The following NR2C1 variants were observed in gnomAD, a reference collection of about 807,000 sequenced individuals.
NR2C1 encodes the protein nuclear receptor subfamily 2 group C member 1, also known as TR2 nuclear hormone receptor.
A neutral mutation model predicts 74.8 loss-of-function variants in NR2C1; 33 were observed. The observed-to-expected ratio is 0.44, with a 90% CI of 0.33 to 0.59. The LOEUF (loss-of-function observed/expected upper bound fraction) is 0.59. Among genes scored for constraint, NR2C1 ranks in the 20% least tolerant of loss-of-function variants. The pLI is 0.02. For synonymous variants in NR2C1, 225 were observed against 240.6 expected (o/e 0.94, Z 0.60); for missense variants, 568 against 715.6 (o/e 0.79, Z 2.35).
In NR2C1 at chr12:95,064,553, T is replaced by C. The variant is rs188808578; in HGVS notation, c.55-1815A>G. ...GAGAGAAGTAACAAAATAATGCTGA[T>C]AGACTGAAGGGGAATATGAAGAAAG... On this transcript the variant is annotated intron_variant, in intron 2 of 13. Coordinates refer to ENST00000333003, the MANE Select transcript of NR2C1 (RefSeq NM_003297.4). 3.3e-5 allele frequency among the ~76,000 whole-genome samples: 5 copies of C among 152,164 alleles called. No individual in the cohort carries two copies. The East Asian group carries it at 9.6e-4, about 29-fold the overall frequency.
At chr12:95,057,906 C>G (rs200883621) in intron 5 of NR2C1, 28 bp from the exon 6 acceptor site, 2 of 1,585,374 alleles carry the variant, frequency 1.3e-6, no homozygotes, top group Non-Finnish European at 1.7e-6. Flanking sequence ...ACTATTATAT[C>G]ACAATATAGG....
chr12:95,046,223 A>G (rs1045571989), intron 9 of NR2C1, among the ~76,000 whole-genome samples: 5 of 152,114 alleles, frequency 3.3e-5, no homozygotes, highest in Admixed American at 2.6e-4. Context: ...TCTCCCTACT[A>G]CCAAGATTGC....
At chr12:95,033,047 A>G (rs1029026783) in intron 10 of NR2C1, among the ~76,000 whole-genome samples, 2 of 151,790 alleles carry the variant, frequency 1.3e-5, no homozygotes, top group Non-Finnish European at 2.9e-5. Flanking sequence ...AGGTGGGAGG[A>G]CTGCTTGAGG....
intron 10 of NR2C1, among the ~76,000 whole-genome samples, chr12:95,032,556 C>T (rs1431973330): frequency 1.3e-5 from 2 of 151,946 alleles, no homozygotes; most frequent in African/African-American, 4.8e-5. Flanking sequence ...GCTACTTAAA[C>T]CTATTTATCC....
intron 12 of NR2C1, 81 bp downstream of exon 12, chr12:95,028,304 TCC>T: frequency 8.8e-7 from 1 of 1,141,654 alleles, no homozygotes; most frequent in Admixed American, 2.4e-5. Flanking sequence ...CCATTTTACA[TCC>T]CCACTTGCAA....
At chr12:95,073,082 T>C (rs913742429) in intron 1 of NR2C1, 1 of 152,236 alleles carries the variant, frequency 6.6e-6, no homozygotes, top group Non-Finnish European at 1.5e-5. Context: ...GGCGCTGCGG[T>C]AAGCGCAGCT....
In NR2C1 at chr12:95,062,583, G is replaced by A; in HGVS notation, c.210C>T (p.Phe70=). Reference sequence around the variant, plus strand: ...CACCTGCTGCATCTGGAGTTGTAAGGAAAACTTTTCCCGGAGTGGAATCTT... The same window carrying A: ...CACCTGCTGCATCTGGAGTTGTAAGAAAAACTTTTCCCGGAGTGGAATCTT... ...ARQDSTPGKV[F]LTTPDAAGVN... is the part of the protein sequence containing the mutation. Residue 70 remains phenylalanine (F), a synonymous_variant, in exon 3 of 14, where the codon TTC becomes TTT. Coordinates refer to ENST00000333003, the MANE Select transcript of NR2C1 (RefSeq NM_003297.4). 1 of 1,614,022 alleles carries A rather than the reference G, an allele frequency of 6.2e-7. No individual in the cohort carries two copies. The highest frequency in any genetic ancestry group is 8.5e-7 in the Non-Finnish European group (1 of 1,179,988).
At chr12:95,030,894 T>A (rs1275044045) in intron 11 of NR2C1, 16 of 1,578,472 alleles carry the variant, frequency 1.0e-5, no homozygotes, top group Non-Finnish European at 1.4e-5. Context: ...AAAAACAGAA[T>A]AAAAAGGATT....
Position 95,058,421 on chromosome 12 carries a change from A to C in NR2C1, c.433T>G (p.Leu145Val), listed in dbSNP as rs758025421. ...TTTGATCCTCGACATGAATATACTA[A>C]ATTTTTTCGGATGCTTCTTTTAAAA... is the stretch of plus-strand genomic sequence containing the variant. The part of the protein sequence containing the change: ...GFFKRSIRKN[L>V]VYSCRGSKDC... Residue 145 changes from leucine to valine, a missense_variant, in exon 5 of 14, where the codon TTA becomes GTA. Leu to Val is a conservative substitution (Grantham distance 32). This residue lies in a region of NR2C1 where 44 missense variants were observed against 95.6 expected (regional missense o/e 0.46). Coordinates refer to ENST00000333003, the MANE Select transcript of NR2C1 (RefSeq NM_003297.4). 1.1e-5 allele frequency: 18 copies of C among 1,613,526 alleles called. No individual in the cohort carries two copies. Among genetic ancestry groups the C allele is most frequent in the Middle Eastern group, 1.7e-4 (1 of 6,054 alleles).
chr12:95,033,862 G>T (rs1870462884), intron 10 of NR2C1, among the ~76,000 whole-genome samples: 1 of 152,204 alleles, frequency 6.6e-6, no homozygotes, highest in Non-Finnish European at 1.5e-5. Context: ...GAACTTTGAT[G>T]AAAAGAGCTG....
intron 3 of NR2C1, among the ~76,000 whole-genome samples, chr12:95,060,760 A>G (rs1421413266): frequency 6.6e-6 from 1 of 152,252 alleles, no homozygotes; most frequent in Non-Finnish European, 1.5e-5. Flanking sequence ...GTGAACAAAT[A>G]AATTCAATTA....
chr12:95,021,407 G>C lies in NR2C1; in HGVS notation c.*822C>G, dbSNP rs1277872246. 1 of 151,856 alleles carries C rather than the reference G, an allele frequency of 6.6e-6. No homozygotes were observed. Among genetic ancestry groups the C allele is most frequent in the East Asian group, 2.0e-4 (1 of 5,098 alleles). 9.4% of individuals were successfully genotyped at this position (151,856 alleles called of 1,614,324 possible). ...CACGCGCCTGTAATCCCAGTACTTT[G>C]GGAGGCTGAGGCAGGATCACTTGAG... On this transcript the variant is annotated 3_prime_UTR_variant, in exon 14 of 14. Coordinates refer to ENST00000333003, the MANE Select transcript of NR2C1 (RefSeq NM_003297.4).
At chr12:95,071,990 C>T (rs1271870893) in intron 1 of NR2C1, among the ~76,000 whole-genome samples, 2 of 151,750 alleles carry the variant, frequency 1.3e-5, no homozygotes, top group Admixed American at 6.6e-5. Flanking sequence ...TCAGATGATC[C>T]GCCCACCTCA....
At chr12:95,072,285 C>G (rs1001965206) in intron 1 of NR2C1, among the ~76,000 whole-genome samples, 4 of 131,658 alleles carry the variant, frequency 3.0e-5, no homozygotes, top group Non-Finnish European at 4.9e-5. Context: ...AAAACAAAAA[C>G]AAAAACAAAA....
At chr12:95,072,634 A>G (rs985061220) in intron 1 of NR2C1, 1 of 152,180 alleles carries the variant, frequency 6.6e-6, no homozygotes, top group Non-Finnish European at 1.5e-5. Flanking sequence ...AGGCTGACCT[A>G]CTTACTGAAG....
intron 2 of NR2C1, among the ~76,000 whole-genome samples, chr12:95,063,706 C>T (rs1034103726): frequency 6.6e-6 from 1 of 151,102 alleles, no homozygotes; most frequent in African/African-American, 2.4e-5. Flanking sequence ...AAAAAGCATT[C>T]TAAATTTAGT....
At chr12:95,025,774 G>A (rs557718835) in intron 12 of NR2C1, among the ~76,000 whole-genome samples, 4 of 147,726 alleles carry the variant, frequency 2.7e-5, no homozygotes, top group African/African-American at 7.5e-5. Context: ...TTTTTATCTC[G>A]TATACATATG....
intron 7 of NR2C1, among the ~76,000 whole-genome samples, chr12:95,053,259 C>T (rs1246283987): frequency 6.6e-6 from 1 of 152,162 alleles, no homozygotes; most frequent in Admixed American, 6.5e-5. Context: ...CAGACATGAG[C>T]CACCGTGCCC....
Position 95,057,957 on chromosome 12 carries a change from A to C in NR2C1, c.545-79T>G, listed in dbSNP as rs1592778304. On this transcript the variant is annotated intron_variant, in intron 5 of 13. Transcript: ENST00000333003. ...GAAATGTAAGCTGTAGGTAAGCTTA[A>C]TGCTGCTAATAGGAGACATGGCTAC... The C allele has an allele frequency of 4.2e-6, 5 of 1,194,632 alleles. No homozygotes were observed. The East Asian group carries it at 1.2e-4, about 28-fold the overall frequency. 74.0% of individuals were successfully genotyped at this position (1,194,632 alleles called of 1,614,324 possible). A position where few individuals can be genotyped will look rare whatever the true frequency, so the allele number is the denominator to read the frequency against.
Sources: allele counts gnomAD v4.1 joint callset (sites outside exome capture counted in the v4.1 genomes callset), GRCh38; gene constraint gnomAD v4.1.1; regional missense constraint gnomAD v4.1.1; transcripts MANE v1.5; gene names NCBI Gene and HGNC (gene_info 2026-07-23, HGNC 2026-07-21).